ADORA2B: variants seen among roughly 807,000 people sequenced by gnomAD.
The protein encoded by ADORA2B is adenosine A2b receptor, also known as adenosine receptor A2b.
Under a neutral mutation model 20.8 loss-of-function variants are expected in ADORA2B, and 18 were observed. The ratio of observed to expected loss-of-function variants is 0.87; its 90% CI spans 0.60 to 1.29. The LOEUF (loss-of-function observed/expected upper bound fraction) is 1.29. ADORA2B is among the 50% of genes most tolerant of loss of function. The pLI, the probability that ADORA2B is intolerant of heterozygous loss-of-function variation, is 0.00. For missense variants in ADORA2B, 441 were observed against 422.7 expected, an observed-to-expected ratio of 1.04 and a Z score of -0.38; for synonymous variants, 179 against 178.3, an observed-to-expected ratio of 1.00 and a Z score of -0.03.
the ADORA2B span, among the ~76,000 whole-genome samples, chr17:15,939,682 C>A: frequency 1.3e-5 from 2 of 151,784 alleles, no homozygotes; most frequent in South Asian, 2.1e-4. Flanking sequence ...ACACATGAAA[C>A]CCTGTCTCTA....
chr17:15,878,491 G>A, the ADORA2B span, among the ~76,000 whole-genome samples: 229 of 152,204 alleles, frequency 1.5e-3, no homozygotes, highest in East Asian at 2.3e-3. Flanking sequence ...ATGCATTGTC[G>A]TCATGATTTT....
chr17:15,855,794 T>C, the ADORA2B span, among the ~76,000 whole-genome samples: 1,903 of 151,688 alleles, frequency 0.013, 43 homozygotes, highest in African/African-American at 0.045. Flanking sequence ...ATCCCATCAT[T>C]CGGGTGGTGA....
intron 1 of ADORA2B, among the ~76,000 whole-genome samples, chr17:15,958,303 C>A: frequency 6.6e-6 from 1 of 152,204 alleles, no homozygotes; most frequent in Non-Finnish European, 1.5e-5. Flanking sequence ...CAGGCGTGAG[C>A]CACCACGCCC....
the ADORA2B span, among the ~76,000 whole-genome samples, chr17:15,895,549 T>C: frequency 6.6e-6 from 1 of 152,102 alleles, no homozygotes; most frequent in African/African-American, 2.4e-5. Context: ...ATCCATGCCA[T>C]CTAATGGAGG....
At chr17:15,890,474 T>A in the ADORA2B span, among the ~76,000 whole-genome samples, 2 of 150,770 alleles carry the variant, frequency 1.3e-5, 1 homozygote, top group Non-Finnish European at 3.0e-5. Flanking sequence ...ATTTATTTAT[T>A]TATTTATTTA....
Position 15,975,286 on chromosome 17 carries a change from G to C in ADORA2B, c.943G>C (p.Val315Leu). Residue 315 changes from valine to leucine, a missense_variant, in exon 2 of 2, where the codon GTC (valine) becomes CTC (leucine). By Grantham distance (32) the Val-to-Leu change is conservative. Transcript: ENST00000304222. The stretch of plus-strand genomic sequence containing the variant: ...CAGGTATCTTCTCTGCCAAGCAGAT[G>C]TCAAGAGTGGGAATGGTCAGGCTGG... ...ISRYLLCQAD[V>L]KSGNGQAGVQ... is the part of the protein sequence containing the mutation. 1 of 1,613,512 alleles carries C rather than the reference G, an allele frequency of 6.2e-7. No individual in the cohort carries two copies. The highest frequency in any genetic ancestry group is 8.5e-7 in the Non-Finnish European group (1 of 1,180,028).
the ADORA2B span, among the ~76,000 whole-genome samples, chr17:15,936,083 G>T: frequency 6.6e-6 from 1 of 151,876 alleles, no homozygotes; most frequent in Non-Finnish European, 1.5e-5. Context: ...CAACATGTTG[G>T]TCAGGCTGGT....
chr17:15,872,901 C>A, the ADORA2B span, among the ~76,000 whole-genome samples: 1 of 152,130 alleles, frequency 6.6e-6, no homozygotes, highest in Non-Finnish European at 1.5e-5. Context: ...TTATTTATTT[C>A]TCTTGCCTAA....
At chr17:15,863,809 T>C in the ADORA2B span, among the ~76,000 whole-genome samples, 2 of 152,228 alleles carry the variant, frequency 1.3e-5, no homozygotes, top group African/African-American at 4.8e-5. Context: ...GAGCAACAGA[T>C]GGATTTTAAA....
At chr17:15,968,770 G>A (rs560875450) in intron 1 of ADORA2B, among the ~76,000 whole-genome samples, 1 of 152,300 alleles carries the variant, frequency 6.6e-6, no homozygotes, top group South Asian at 2.1e-4. Context: ...ACTGAGGATA[G>A]CAGCTCTCAC....
the ADORA2B span, among the ~76,000 whole-genome samples, chr17:15,865,056 T>G: frequency 6.6e-6 from 1 of 151,916 alleles, no homozygotes; most frequent in African/African-American, 2.4e-5. Flanking sequence ...CCTACATAAA[T>G]GAGCCTCCAA....
At chr17:15,955,526 C>T (rs1320637802) in intron 1 of ADORA2B, among the ~76,000 whole-genome samples, 2 of 151,910 alleles carry the variant, frequency 1.3e-5, no homozygotes, top group African/African-American at 4.8e-5. Flanking sequence ...CCTGCCTCAC[C>T]CTCCCGAGTA....
the ADORA2B span, among the ~76,000 whole-genome samples, chr17:15,874,062 G>GTGTATATATATATATGTATA: frequency 2.0e-5 from 2 of 99,584 alleles, no homozygotes; most frequent in Admixed American, 9.5e-5. Flanking sequence ...ATATATATGT[G>GTGTATATATATATATGTATA]TGTGTGTATA....
At position 15,975,173 on chromosome 17, in the gene ADORA2B, T is replaced by G. The variant is rs746063928; in HGVS notation, c.830T>G (p.Leu277Arg). The G allele has an allele frequency of 8.7e-6, 14 of 1,614,110 alleles. No homozygotes were observed. In the South Asian group the frequency reaches 9.9e-5, roughly 11 times the overall value. ...AAGTGGGCAATGAATATGGCCATTC[T>G]TCTGTCACATGCCAATTCAGTTGTC... The part of the protein sequence containing the change: ...KPKWAMNMAI[L>R]LSHANSVVNP... The change falls in exon 2 of 2, where the codon CTT (leucine) becomes CGT (arginine). Residue 277 changes from leucine (L) to arginine (R), a missense_variant. Coordinates refer to ENST00000304222, the MANE Select transcript of ADORA2B (RefSeq NM_000676.4).
chr17:15,908,650 C>A, the ADORA2B span: 1 of 168,214 alleles, frequency 5.9e-6, no homozygotes, highest in Non-Finnish European at 1.3e-5. Flanking sequence ...GGGCCTGCAG[C>A]AGCCACCACT....
chr17:15,974,389 G>C (rs1970222143), intron 1 of ADORA2B: 3 of 326,162 alleles, frequency 9.2e-6, no homozygotes, highest in African/African-American at 6.3e-5. Context: ...AGGACATTGA[G>C]GACTTACAGT....
rs565970910 is a variant in ADORA2B, at chr17:15,960,646, C to A, written c.336-14033C>A. Among the ~76,000 whole-genome samples, 12 of 150,868 alleles carry A rather than the reference C, an allele frequency of 8.0e-5. No homozygotes were observed. The South Asian group carries it at 1.5e-3, about 19-fold the overall frequency. On this transcript the variant is annotated intron_variant, in intron 1 of 1. Transcript: ENST00000304222. ...CAGCACTTTGGGAGGCGAAGGCAGG[C>A]AGATCATGAGGTCAGGAGATCGAGA...
In ADORA2B at chr17:15,975,130, C is replaced by G. The variant is rs1375124062; in HGVS notation, c.787C>G (p.Gln263Glu). 6.2e-7 allele frequency: 1 copy of G among 1,614,172 alleles called. No individual in the cohort carries two copies. Among genetic ancestry groups the G allele is most frequent in the Non-Finnish European group, 8.5e-7 (1 of 1,180,036 alleles). Residue 263 changes from glutamine (Q) to glutamate (E), a missense_variant, in exon 2 of 2, where the codon CAG (glutamine) becomes GAG (glutamate). Gln to Glu is a conservative substitution (Grantham distance 29). Coordinates refer to ENST00000304222, the MANE Select transcript of ADORA2B (RefSeq NM_000676.4). ...VNCVTLFQPA[Q>E]GKNKPKWAMN... ...CTGTGTCACTCTTTTCCAGCCAGCT[C>G]AGGGTAAAAATAAGCCCAAGTGGGC...
chr17:15,954,774 A>T (rs145850185), intron 1 of ADORA2B, among the ~76,000 whole-genome samples: 111 of 152,216 alleles, frequency 7.3e-4, no homozygotes, highest in African/African-American at 1.1e-3. Context: ...CTCAAAAAAA[A>T]TTTTTTATTT....
Sources: allele counts gnomAD v4.1 joint callset (sites outside exome capture counted in the v4.1 genomes callset), GRCh38; gene constraint gnomAD v4.1.1; transcripts MANE v1.5; gene names NCBI Gene and HGNC (gene_info 2026-07-23, HGNC 2026-07-21).